Variants in ULK4 observed in about 807,000 individuals in gnomAD.
ULK4 encodes inactive serine/threonine-protein kinase ULK4.
A neutral mutation model predicts 160.6 loss-of-function variants in ULK4; 133 were observed. The observed-to-expected ratio is 0.83, with a 90% CI of 0.72 to 0.96. The LOEUF is 0.96. Ranked by LOEUF, ULK4 falls within the 40% of genes least tolerant of loss-of-function variation. The pLI is 0.00. For missense variants in ULK4, 1,580 were observed against 1,499.5 expected (o/e 1.05, Z -0.89); for synonymous variants, 534 against 539.8 (o/e 0.99, Z 0.15).
At chr3:41,304,803 T>C (rs1373486151) in intron 35 of ULK4, among the ~76,000 whole-genome samples, 3 of 152,206 alleles carry the variant, frequency 2.0e-5, no homozygotes, top group African/African-American at 7.2e-5. Context: ...AGTGAACTCA[T>C]CAACTCTTGC....
intron 31 of ULK4, among the ~76,000 whole-genome samples, chr3:41,579,525 G>A (rs988090279): frequency 1.7e-4 from 21 of 120,756 alleles, no homozygotes; most frequent in South Asian, 5.2e-4. Flanking sequence ...ACGGAGTTTC[G>A]CTCTGTCGCC....
At chr3:41,825,830 G>A (rs1391632014) in intron 18 of ULK4, among the ~76,000 whole-genome samples, 1 of 152,132 alleles carries the variant, frequency 6.6e-6, no homozygotes, top group African/African-American at 2.4e-5. Context: ...TGCTTCTCAA[G>A]AAGAGCAACT....
intron 35 of ULK4, among the ~76,000 whole-genome samples, chr3:41,353,835 C>T (rs1317905816): frequency 6.6e-6 from 1 of 151,960 alleles, no homozygotes; most frequent in East Asian, 1.9e-4. Context: ...TAAAATAATG[C>T]TAGATGAAGT....
intron 17 of ULK4, among the ~76,000 whole-genome samples, chr3:41,868,359 C>G (rs1696971393): frequency 6.6e-6 from 1 of 152,146 alleles, no homozygotes; most frequent in Non-Finnish European, 1.5e-5. Context: ...TAGTAATACT[C>G]CCTTAATTTC....
At chr3:41,488,229 A>G (rs533066438) in intron 32 of ULK4, among the ~76,000 whole-genome samples, 13 of 152,274 alleles carry the variant, frequency 8.5e-5, no homozygotes, top group African/African-American at 2.6e-4. Flanking sequence ...AATACTTCCT[A>G]TTTTTCAAGC....
intron 35 of ULK4, among the ~76,000 whole-genome samples, chr3:41,273,265 T>C (rs1293742467): frequency 6.6e-6 from 1 of 152,182 alleles, no homozygotes; most frequent in Non-Finnish European, 1.5e-5. Flanking sequence ...GAAGCAGTGC[T>C]CAATCTAGGA....
At chr3:41,755,494 C>T (rs1342038715) in intron 21 of ULK4, among the ~76,000 whole-genome samples, 1 of 152,086 alleles carries the variant, frequency 6.6e-6, no homozygotes, top group Non-Finnish European at 1.5e-5. Context: ...GGCAGTCATC[C>T]TTGAGTAGAA....
intron 7 of ULK4, among the ~76,000 whole-genome samples, chr3:41,917,548 A>G (rs528344957): frequency 2.0e-5 from 3 of 152,300 alleles, no homozygotes; most frequent in African/African-American, 7.2e-5. Context: ...TTAACAATGT[A>G]TAGCAAAATG....
intron 31 of ULK4, among the ~76,000 whole-genome samples, chr3:41,600,406 T>C (rs1396594821): frequency 2.6e-5 from 4 of 152,168 alleles, no homozygotes; most frequent in African/African-American, 4.8e-5. Context: ...GGGTTGCACC[T>C]GTGGCAAAGA....
rs979277249 is a variant in ULK4, at chr3:41,435,144, G to C, written c.3492+20353C>G. Reference sequence around the variant, plus strand: ...ACTGACAAACTCAAAGACAGAAATAGCTTAAGCAAGCAATTTATACATAAG... The same window carrying C: ...ACTGACAAACTCAAAGACAGAAATACCTTAAGCAAGCAATTTATACATAAG... On this transcript the variant is annotated intron_variant, in intron 34 of 36. Transcript: ENST00000301831. Among the ~76,000 whole-genome samples the C allele has an allele frequency of 1.1e-4, 17 of 152,148 alleles. 1 individual carries two copies. Among genetic ancestry groups the C allele is most frequent in the Admixed American group, 1.1e-3 (17 of 15,262 alleles).
At chr3:41,824,192 A>C (rs1164239572) in intron 18 of ULK4, among the ~76,000 whole-genome samples, 1 of 149,786 alleles carries the variant, frequency 6.7e-6, no homozygotes, top group Non-Finnish European at 1.5e-5. Flanking sequence ...AGGAGGAGCC[A>C]AGATAGCCAA....
intron 29 of ULK4, among the ~76,000 whole-genome samples, chr3:41,663,998 T>A (rs2035271841): frequency 6.6e-6 from 1 of 152,172 alleles, no homozygotes; most frequent in African/African-American, 2.4e-5. Context: ...GGTACAAGCA[T>A]CTGAAAAATC....
At chr3:41,458,442 A>G (rs1170485816) in intron 33 of ULK4, among the ~76,000 whole-genome samples, 1 of 152,162 alleles carries the variant, frequency 6.6e-6, no homozygotes, top group African/African-American at 2.4e-5. Flanking sequence ...CTGGAGATAT[A>G]AGACAGGAAC....
chr3:41,812,577 G>C (rs1429649174), intron 19 of ULK4, among the ~76,000 whole-genome samples: 5 of 152,190 alleles, frequency 3.3e-5, no homozygotes, highest in Non-Finnish European at 1.5e-5. Flanking sequence ...GGGAATTTCA[G>C]TCTCAGATGT....
At chr3:41,673,733 G>C (rs989751331) in intron 29 of ULK4, among the ~76,000 whole-genome samples, 17 of 151,618 alleles carry the variant, frequency 1.1e-4, no homozygotes, top group African/African-American at 4.1e-4. Flanking sequence ...TGGCAAAATG[G>C]TTCCAGTCTA....
intron 35 of ULK4, among the ~76,000 whole-genome samples, chr3:41,386,595 TC>T (rs1189783652): frequency 6.6e-6 from 1 of 152,172 alleles, no homozygotes; most frequent in Non-Finnish European, 1.5e-5. Flanking sequence ...CCCTTTGCGT[TC>T]CATTTGTGGT....
intron 35 of ULK4, among the ~76,000 whole-genome samples, chr3:41,326,675 G>A (rs1014841788): frequency 6.6e-6 from 1 of 152,146 alleles, no homozygotes; most frequent in Non-Finnish European, 1.5e-5. Context: ...ATTTTACATA[G>A]TTTTAAGCTG....
intron 35 of ULK4, among the ~76,000 whole-genome samples, chr3:41,391,298 C>T (rs1025087523): frequency 2.0e-5 from 3 of 152,022 alleles, no homozygotes; most frequent in South Asian, 2.1e-4. Flanking sequence ...TTTAGGAAAT[C>T]TTCTAAAAAA....
Position 41,864,642 on chromosome 3 carries a change from G to A in ULK4, c.1656+19232C>T, listed in dbSNP as rs116762342. Among the ~76,000 whole-genome samples the A allele has an allele frequency of 6.6e-3, 997 of 152,152 alleles. 9 individuals are homozygous for A. The highest frequency in any genetic ancestry group is 0.023 in the African/African-American group (963 of 41,500). ...AGATAGCTCATTCAAGGCTGGGTGTGGTGTTTCATGCCTATAATCCCAGCA... is the reference window on the plus strand; with the variant it reads ...AGATAGCTCATTCAAGGCTGGGTGTAGTGTTTCATGCCTATAATCCCAGCA... On this transcript the variant is annotated intron_variant, in intron 17 of 36. Coordinates refer to ENST00000301831, the MANE Select transcript of ULK4 (RefSeq NM_017886.4).
Sources: allele counts gnomAD v4.1 joint callset (sites outside exome capture counted in the v4.1 genomes callset), GRCh38; gene constraint gnomAD v4.1.1; transcripts MANE v1.5; gene names NCBI Gene and HGNC (gene_info 2026-07-23, HGNC 2026-07-21).